Variants in WDR19 observed in about 807,000 individuals in gnomAD.
WDR19 encodes the protein WD repeat domain 19.
In WDR19, 121 loss-of-function variants were observed where a neutral mutation model predicts 180.0. The ratio of observed to expected loss-of-function variants is 0.67; its 90% confidence interval spans 0.58 to 0.78. WDR19 has a LOEUF of 0.78. WDR19 is among the 30% of genes least tolerant of loss of function. The pLI, the probability that WDR19 is intolerant of heterozygous loss-of-function variation, is 0.00. For missense variants in WDR19, 1,450 were observed against 1,640.7 expected (o/e 0.88, Z 2.01); for synonymous variants, 497 against 540.7 (o/e 0.92, Z 1.12).
At chr4:39,264,320 A>G (rs554991760) in intron 28 of WDR19, among the ~76,000 whole-genome samples, 99 of 152,334 alleles carry the variant, frequency 6.5e-4, no homozygotes, top group Non-Finnish European at 1.3e-3. Flanking sequence ...GAAGCCATCA[A>G]GAGAACAAGC....
intron 4 of WDR19, among the ~76,000 whole-genome samples, chr4:39,190,761 A>G (rs1366534254): frequency 6.6e-6 from 1 of 152,220 alleles, no homozygotes; most frequent in East Asian, 1.9e-4. Flanking sequence ...CTGTCTACCA[A>G]TGTAAAGTCT....
chr4:39,203,827 C>T, intron 7 of WDR19, 105 bp downstream of exon 7: 1 of 1,116,182 alleles, frequency 9.0e-7, no homozygotes, highest in Non-Finnish European at 1.3e-6. Context: ...AAATTAGGTC[C>T]ATTGACTGTA....
intron 32 of WDR19, chr4:39,273,275 C>A: frequency 2.0e-6 from 1 of 506,770 alleles, no homozygotes; most frequent in Non-Finnish European, 3.4e-6. Context: ...AGTACCAAAG[C>A]CGAGATTTAT....
At chr4:39,186,709 C>A in intron 3 of WDR19, 105 bp downstream of exon 3, 1 of 759,466 alleles carries the variant, frequency 1.3e-6, no homozygotes, top group Non-Finnish European at 2.0e-6. Context: ...TTTGCTTCTT[C>A]CATTTGCAAA....
At chr4:39,197,750 TAC>T (rs1198349104) in intron 5 of WDR19, among the ~76,000 whole-genome samples, 2 of 152,354 alleles carry the variant, frequency 1.3e-5, no homozygotes, top group East Asian at 3.9e-4. Flanking sequence ...TTAGCATAGT[TAC>T]ACAGTTCTTA....
chr4:39,233,565 G>T (rs1007791899), intron 19 of WDR19, among the ~76,000 whole-genome samples: 2 of 152,086 alleles, frequency 1.3e-5, no homozygotes, highest in Non-Finnish European at 2.9e-5. Context: ...CCTAAAACTG[G>T]CATTTCTACA....
intron 34 of WDR19, among the ~76,000 whole-genome samples, chr4:39,277,799 A>T (rs1251432980): frequency 1.3e-5 from 2 of 152,192 alleles, no homozygotes; most frequent in Non-Finnish European, 2.9e-5. Context: ...CATGCCTGTA[A>T]TCCTAGCACT....
chr4:39,186,941 T>C (rs898200488), intron 3 of WDR19, among the ~76,000 whole-genome samples: 2 of 152,346 alleles, frequency 1.3e-5, no homozygotes, highest in Middle Eastern at 3.4e-3. Flanking sequence ...GTATCTACTT[T>C]AGTTTTCCAT....
At chr4:39,256,132 C>A (rs1171276007) in intron 27 of WDR19, among the ~76,000 whole-genome samples, 172 bp downstream of exon 27, 1 of 152,164 alleles carries the variant, frequency 6.6e-6, no homozygotes, top group Non-Finnish European at 1.5e-5. Flanking sequence ...CACCCAGTCA[C>A]AACCTTCCTT....
chr4:39,225,031 C>T lies in WDR19; in HGVS notation c.1627C>T (p.Pro543Ser). ...DEKSDGFVYCPVNDATYEIPD... is the reference protein window; with the variant it reads ...DEKSDGFVYCSVNDATYEIPD... ...AAAAAGTGATGGATTTGTTTACTGTCCAGTAAGTCTGGAACATTTTTAAAT... is the reference window on the plus strand; with the variant it reads ...AAAAAGTGATGGATTTGTTTACTGTTCAGTAAGTCTGGAACATTTTTAAAT... Residue 543 changes from proline to serine, a missense_variant and splice_region_variant, in exon 15 of 37, where the codon CCA becomes TCA. Pro to Ser is a moderately conservative substitution (Grantham distance 74). Transcript: ENST00000399820. 6.5e-7 allele frequency: 1 copy of T among 1,547,384 alleles called. No individual in the cohort carries two copies. The highest frequency in any genetic ancestry group is 1.3e-5 in the South Asian group (1 of 79,946).
intron 5 of WDR19, among the ~76,000 whole-genome samples, chr4:39,198,664 G>A (rs977981385): frequency 4.6e-5 from 7 of 152,042 alleles, no homozygotes; most frequent in African/African-American, 7.2e-5. Context: ...TCAGGAGTTG[G>A]AGACCAACTT....
intron 36 of WDR19, among the ~76,000 whole-genome samples, chr4:39,280,094 TTTGTGGGTTTTTTTCCCTTTTCTTG>T (rs1736321976): frequency 6.6e-6 from 1 of 150,406 alleles, no homozygotes; most frequent in African/African-American, 2.4e-5. Flanking sequence ...GAAGTATTTT[TTTGTGGGTTTTTTTCCCTTTTCTTG>T]TTTTTTTTTT....
At chr4:39,246,702 T>C (rs889161080) in intron 24 of WDR19, among the ~76,000 whole-genome samples, 1 of 152,146 alleles carries the variant, frequency 6.6e-6, no homozygotes, top group African/African-American at 2.4e-5. Context: ...CACCAGGAGA[T>C]TATATCCTGC....
chr4:39,216,967 A>T (rs1316386492), intron 12 of WDR19, among the ~76,000 whole-genome samples, 167 bp from the exon 13 acceptor site: 4 of 152,278 alleles, frequency 2.6e-5, no homozygotes, highest in African/African-American at 4.8e-5. Flanking sequence ...GATTAAAATG[A>T]AATTTAATCT....
At chr4:39,277,228 C>T in intron 34 of WDR19, 85 bp downstream of exon 34, 1 of 1,397,836 alleles carries the variant, frequency 7.2e-7, no homozygotes, top group Non-Finnish European at 9.5e-7. Flanking sequence ...ATATTTTCTT[C>T]ACTTTTAAAA....
At chr4:39,224,511 G>T (rs1382615487) in intron 14 of WDR19, among the ~76,000 whole-genome samples, 15 of 152,040 alleles carry the variant, frequency 9.9e-5, no homozygotes, top group Admixed American at 9.8e-4. Flanking sequence ...CTCCCAAGTA[G>T]CTGGGATTAC....
chr4:39,237,599 A>G (rs1731509336), intron 20 of WDR19: 1 of 152,162 alleles, frequency 6.6e-6, no homozygotes, highest in African/African-American at 2.4e-5. Context: ...TCTAACCATG[A>G]TATCTTATTT....
intron 26 of WDR19, among the ~76,000 whole-genome samples, chr4:39,254,319 G>A (rs1560542451): frequency 6.6e-6 from 1 of 152,118 alleles, no homozygotes; most frequent in Non-Finnish European, 1.5e-5. Context: ...TTATCAGCCA[G>A]TAGTAAATCA....
intron 9 of WDR19, among the ~76,000 whole-genome samples, chr4:39,211,779 TAG>T (rs1238509708): frequency 3.3e-5 from 5 of 151,890 alleles, no homozygotes; most frequent in African/African-American, 1.2e-4. Context: ...CCCAAATAAA[TAG>T]AGAGATATAC....
Sources: gnomAD v4.1 joint callset for allele counts (sites outside exome capture counted in the v4.1 genomes callset) on GRCh38, gnomAD v4.1.1 for gene constraint, MANE v1.5 for transcripts, NCBI Gene and HGNC (gene_info 2026-07-23, HGNC 2026-07-21) for gene names.